ZNF277: variants seen among roughly 807,000 people sequenced by gnomAD.
ZNF277 encodes the protein nuclear receptor-interacting factor 4.
ZNF277 carries 55 observed loss-of-function variants against 60.7 expected under a neutral mutation model. The ratio of observed to expected loss-of-function variants is 0.91; its 90% CI spans 0.73 to 1.13. ZNF277 has a LOEUF of 1.13. Ranked by LOEUF, ZNF277 falls within the 50% of genes most tolerant of loss-of-function variation. The pLI, the probability that ZNF277 is intolerant of heterozygous loss-of-function variation, is 0.00. For synonymous variants in ZNF277, 178 were observed against 179.3 expected, an observed-to-expected ratio of 0.99 and a Z score of 0.06; for missense variants, 510 against 523.0, an observed-to-expected ratio of 0.98 and a Z score of 0.24.
chr7:112,250,109 C>T (rs1791170744), intron 1 of ZNF277, among the ~76,000 whole-genome samples: 1 of 152,082 alleles, frequency 6.6e-6, no homozygotes, highest in Non-Finnish European at 1.5e-5. Flanking sequence ...ATGGAACATC[C>T]CTGAGAAAGA....
chr7:112,280,194 A>G (rs1197521970), intron 1 of ZNF277, among the ~76,000 whole-genome samples: 2 of 152,130 alleles, frequency 1.3e-5, no homozygotes, highest in African/African-American at 4.8e-5. Context: ...GGAGCTTTGA[A>G]TGGCACGTTT....
chr7:112,328,722 T>C (rs1323745221), intron 6 of ZNF277, among the ~76,000 whole-genome samples: 1 of 151,772 alleles, frequency 6.6e-6, no homozygotes, highest in Non-Finnish European at 1.5e-5. Context: ...AATACAAAAT[T>C]AGCCGGGCAT....
intron 1 of ZNF277, among the ~76,000 whole-genome samples, chr7:112,241,399 T>C (rs895220910): frequency 2.6e-5 from 4 of 152,128 alleles, no homozygotes; most frequent in African/African-American, 4.8e-5. Flanking sequence ...GGAGCTCTCG[T>C]ACACTGTGGG....
intron 5 of ZNF277, among the ~76,000 whole-genome samples, chr7:112,319,977 G>A (rs1263137838): frequency 2.0e-5 from 3 of 151,880 alleles, no homozygotes; most frequent in South Asian, 2.1e-4. Flanking sequence ...AAATATTTCC[G>A]ATTTTATGTT....
At chr7:112,264,238 G>A (rs1406391667) in intron 1 of ZNF277, among the ~76,000 whole-genome samples, 2 of 151,776 alleles carry the variant, frequency 1.3e-5, no homozygotes, top group Admixed American at 6.6e-5. Flanking sequence ...AAAACCCGTT[G>A]CCCTGGCCTA....
In ZNF277 at chr7:112,326,279, A is replaced by G. The variant is rs192388497; in HGVS notation, c.558-1438A>G. Among the ~76,000 whole-genome samples, 229 of 152,150 alleles carry G rather than the reference A, an allele frequency of 1.5e-3. 1 individual carries two copies. Among genetic ancestry groups the G allele is most frequent in the Non-Finnish European group, 2.8e-3 (188 of 67,996 alleles). Reference sequence around the variant, plus strand: ...AACTATGGCTCGGCCACTCTAGGAGAACCTCCCTGAATCCAGAGGCACTGT... The same window carrying G: ...AACTATGGCTCGGCCACTCTAGGAGGACCTCCCTGAATCCAGAGGCACTGT... On this transcript the variant is annotated intron_variant, in intron 5 of 11. Transcript: ENST00000361822.
chr7:112,208,959 G>A (rs1329565481), intron 1 of ZNF277, among the ~76,000 whole-genome samples: 1 of 152,126 alleles, frequency 6.6e-6, no homozygotes, highest in African/African-American at 2.4e-5. Flanking sequence ...GATTACAGGC[G>A]TAAGCCACCG....
intron 7 of ZNF277, among the ~76,000 whole-genome samples, chr7:112,332,827 G>C (rs534264164): frequency 5.3e-5 from 8 of 152,232 alleles, no homozygotes; most frequent in African/African-American, 1.9e-4. Flanking sequence ...GAAGCCTATT[G>C]GCTTCACTAA....
intron 5 of ZNF277, among the ~76,000 whole-genome samples, chr7:112,325,304 C>T (rs1793069474): frequency 6.6e-6 from 1 of 152,154 alleles, no homozygotes; most frequent in Non-Finnish European, 1.5e-5. Flanking sequence ...ACCACCAGTT[C>T]AGAGCATGGG....
intron 1 of ZNF277, among the ~76,000 whole-genome samples, chr7:112,229,038 C>T (rs993620080): frequency 6.6e-6 from 1 of 152,148 alleles, no homozygotes; most frequent in Middle Eastern, 3.2e-3. Context: ...TGAAGGGATG[C>T]TTTTTGTATT....
intron 5 of ZNF277, among the ~76,000 whole-genome samples, chr7:112,327,470 T>G (rs940686085): frequency 2.0e-5 from 3 of 152,186 alleles, no homozygotes; most frequent in African/African-American, 7.2e-5. Flanking sequence ...CAGAACCTGA[T>G]TCTTCTATAG....
intron 1 of ZNF277, among the ~76,000 whole-genome samples, chr7:112,209,791 T>C (rs1821688083): frequency 6.6e-6 from 1 of 152,224 alleles, no homozygotes; most frequent in Non-Finnish European, 1.5e-5. Flanking sequence ...GGTTATCAAG[T>C]ATGTCTTTCC....
intron 1 of ZNF277, among the ~76,000 whole-genome samples, chr7:112,243,363 C>G (rs980450619): frequency 2.0e-5 from 3 of 150,608 alleles, no homozygotes; most frequent in African/African-American, 7.3e-5. Flanking sequence ...TTCTGTATAG[C>G]AACAGAAAAA....
chr7:112,230,764 A>G (rs1440034311), intron 1 of ZNF277, among the ~76,000 whole-genome samples: 2 of 152,208 alleles, frequency 1.3e-5, no homozygotes, highest in East Asian at 1.9e-4. Flanking sequence ...CCATATATTA[A>G]TACTCCTGCA....
chr7:112,208,499 T>TA (rs1165501994), intron 1 of ZNF277, among the ~76,000 whole-genome samples: 5 of 151,350 alleles, frequency 3.3e-5, no homozygotes, highest in African/African-American at 7.3e-5. Flanking sequence ...GTGTATGAAG[T>TA]AAAAAAAATG....
At chr7:112,306,494 C>T (rs370476364) in intron 4 of ZNF277, among the ~76,000 whole-genome samples, 30 of 152,166 alleles carry the variant, frequency 2.0e-4, no homozygotes, top group African/African-American at 6.7e-4. Context: ...GGATTATAGG[C>T]GTGAGCCACC....
intron 1 of ZNF277, among the ~76,000 whole-genome samples, chr7:112,217,466 C>T (rs1821915712): frequency 6.6e-6 from 1 of 152,184 alleles, no homozygotes. Flanking sequence ...CTTGATTATG[C>T]AGACTGAAAC....
intron 1 of ZNF277, among the ~76,000 whole-genome samples, chr7:112,266,720 T>A (rs991622878): frequency 6.6e-6 from 1 of 152,248 alleles, no homozygotes; most frequent in East Asian, 1.9e-4. Flanking sequence ...CTTTGAAGTT[T>A]TATTGTACTA....
intron 4 of ZNF277, among the ~76,000 whole-genome samples, 174 bp downstream of exon 4, chr7:112,296,485 AAATT>A (rs1792336515): frequency 1.3e-5 from 2 of 152,160 alleles, no homozygotes; most frequent in Admixed American, 1.3e-4. Flanking sequence ...ACTTGACTGA[AAATT>A]AAAGCGTTTT....
Sources: gnomAD v4.1 joint callset for allele counts (sites outside exome capture counted in the v4.1 genomes callset) on GRCh38, gnomAD v4.1.1 for gene constraint, MANE v1.5 for transcripts, NCBI Gene and HGNC (gene_info 2026-07-23, HGNC 2026-07-21) for gene names.